The following ZNF131 variants were observed in gnomAD, a reference collection of about 807,000 sequenced individuals.
ZNF131 encodes zinc finger protein 131.
ZNF131 carries 7 observed loss-of-function variants against 60.0 expected under a neutral mutation model. That is an observed-to-expected ratio of 0.12 (90% confidence interval 0.07 to 0.22). ZNF131 has a LOEUF of 0.22. Ranked by LOEUF, ZNF131 falls within the 10% of genes least tolerant of loss-of-function variation. The probability of loss-of-function intolerance (pLI) is 1.00; values close to 1 mark genes in which losing one functional copy is unlikely to be tolerated. For missense variants in ZNF131, 493 were observed against 740.9 expected (o/e 0.67, Z 3.88); for synonymous variants, 257 against 253.2 (o/e 1.01, Z -0.14).
At chr5:43,169,391 G>A (rs577566065) in intron 5 of ZNF131, among the ~76,000 whole-genome samples, 11 of 152,234 alleles carry the variant, frequency 7.2e-5, no homozygotes, top group Admixed American at 1.3e-4. Flanking sequence ...ATTGAGTCTC[G>A]TTTCTACTCA....
Position 43,142,589 on chromosome 5 carries a change from C to A in ZNF131, c.371+3280C>A, listed in dbSNP as rs1042630404. ...AAAGTGCTGGGATTATAGGCGTGAG[C>A]CATGGCACCCGGCCAAAAATTGGAT... On this transcript the variant is annotated intron_variant, in intron 4 of 6. Coordinates refer to ENST00000682664, the MANE Select transcript of ZNF131 (RefSeq NM_001330707.2). Among the ~76,000 whole-genome samples the A allele has an allele frequency of 4.6e-5, 7 of 152,072 alleles. No individual in the cohort carries two copies. In the East Asian group the frequency reaches 1.4e-3, roughly 30 times the overall value.
intron 4 of ZNF131, among the ~76,000 whole-genome samples, chr5:43,140,135 A>G (rs1165825081): frequency 6.6e-6 from 1 of 152,130 alleles, no homozygotes; most frequent in African/African-American, 2.4e-5. Flanking sequence ...GGGGAGGATC[A>G]CCTGAGCCTG....
chr5:43,129,992 G>A (rs987445480), intron 3 of ZNF131, among the ~76,000 whole-genome samples: 37 of 151,484 alleles, frequency 2.4e-4, no homozygotes, highest in African/African-American at 7.5e-4. Flanking sequence ...GAGGCCAGGC[G>A]CGGTGGCTCA....
chr5:43,174,277 A>G lies in ZNF131; in HGVS notation c.1186-170A>G, dbSNP rs564072837. 3.9e-5 allele frequency among the ~76,000 whole-genome samples: 6 copies of G among 152,390 alleles called. No homozygotes were observed. The South Asian group carries it at 8.3e-4, about 21-fold the overall frequency. On this transcript the variant is annotated intron_variant, in intron 6 of 6. Transcript: ENST00000682664. Reference sequence around the variant, plus strand: ...ACTAGCTGTGTCAGCTAGAAGTCCAAATGAACCAAAGAATTATGAAATAGC... The same window carrying G: ...ACTAGCTGTGTCAGCTAGAAGTCCAGATGAACCAAAGAATTATGAAATAGC...
At chr5:43,169,296 A>G (rs1196331437) in intron 5 of ZNF131, among the ~76,000 whole-genome samples, 1 of 152,224 alleles carries the variant, frequency 6.6e-6, no homozygotes, top group Admixed American at 6.5e-5. Flanking sequence ...CACATCTAAA[A>G]TAATTAATAT....
At position 43,174,912 on chromosome 5, in the gene ZNF131, A is replaced by G. The variant is rs1751408700; in HGVS notation, c.1651A>G (p.Met551Val). The change falls in exon 7 of 7, where the codon ATG (methionine) becomes GTG (valine). Residue 551 changes from methionine to valine, a missense_variant. Physicochemically the swap from Met to Val is conservative, Grantham distance 21 (BLOSUM62 1). This residue lies in a region of ZNF131 where 202 missense variants were observed against 221.3 expected (regional missense o/e 0.91). Coordinates refer to ENST00000682664, the MANE Select transcript of ZNF131 (RefSeq NM_001330707.2). ...EELHVERVNQ[M>V]PVEVQTELLE... ...GCTGCATGTTGAACGGGTCAATCAA[A>G]TGCCAGTGGAAGTACAAACTGAACT... 6.2e-7 allele frequency: 1 copy of G among 1,614,166 alleles called. No individual in the cohort carries two copies. Among genetic ancestry groups the G allele is most frequent in the African/African-American group, 1.3e-5 (1 of 75,032 alleles).
At chr5:43,130,339 G>T (rs926908992) in intron 3 of ZNF131, among the ~76,000 whole-genome samples, 1 of 148,738 alleles carries the variant, frequency 6.7e-6, no homozygotes, top group African/African-American at 2.5e-5. Context: ...AAAAGTTCTG[G>T]CATTGATTCA....
chr5:43,131,863 T>TA (rs1745403368), intron 3 of ZNF131, among the ~76,000 whole-genome samples: 1 of 151,860 alleles, frequency 6.6e-6, no homozygotes, highest in South Asian at 2.1e-4. Context: ...TGTGAACCTA[T>TA]AGTGAATGAG....
rs199701415 is a variant in ZNF131 at position 43,154,777 on chromosome 5, TATCTTGC to T, written c.372-6470_372-6464del. Reference sequence around the variant, plus strand: ...TTGGTCTCATTAGAGAATAGTCCCTTATCTTGCACATCTGAATGAGTGACCCAGATAA... The same window carrying T: ...TTGGTCTCATTAGAGAATAGTCCCTTACATCTGAATGAGTGACCCAGATAA... On this transcript the variant is annotated intron_variant, in intron 4 of 6. Transcript: ENST00000682664. Among the ~76,000 whole-genome samples the T allele has an allele frequency of 1.4e-4, 22 of 152,324 alleles. No individual in the cohort carries two copies. In the East Asian group the frequency reaches 4.2e-3, roughly 29 times the overall value.
At chr5:43,151,561 A>G (rs1285345141) in intron 4 of ZNF131, among the ~76,000 whole-genome samples, 1 of 151,984 alleles carries the variant, frequency 6.6e-6, no homozygotes, top group African/African-American at 2.4e-5. Context: ...CAGCCTCCCT[A>G]GTAGCTGGGA....
chr5:43,129,507 A>G lies in ZNF131; in HGVS notation c.226+6197A>G, dbSNP rs569473845. Among the ~76,000 whole-genome samples, 133 of 152,332 alleles carry G rather than the reference A, an allele frequency of 8.7e-4. 1 individual carries two copies. Among genetic ancestry groups the G allele is most frequent in the African/African-American group, 3.1e-3 (128 of 41,558 alleles). The stretch of plus-strand genomic sequence containing the variant: ...ACATTCCAGATTTTAGAATTTTTCT[A>G]AGGGTAATGAAAAACATAATACTCA... On this transcript the variant is annotated intron_variant, in intron 3 of 6. Transcript: ENST00000682664.
At chr5:43,149,609 G>C (rs1748050212) in intron 4 of ZNF131, among the ~76,000 whole-genome samples, 1 of 152,264 alleles carries the variant, frequency 6.6e-6, no homozygotes, top group Non-Finnish European at 1.5e-5. Context: ...CTAAGATACT[G>C]TCAGTCTCTT....
In ZNF131 at chr5:43,176,068, T is replaced by A. The variant is rs953185820; in HGVS notation, c.*935T>A. 6.6e-6 allele frequency: 1 copy of A among 152,198 alleles called. No individual in the cohort carries two copies. The highest frequency in any genetic ancestry group is 1.5e-5 in the Non-Finnish European group (1 of 68,042). 9.4% of individuals were successfully genotyped at this position (152,198 alleles called of 1,614,324 possible). On this transcript the variant is annotated 3_prime_UTR_variant, in exon 7 of 7. Coordinates refer to ENST00000682664, the MANE Select transcript of ZNF131 (RefSeq NM_001330707.2). ...TTAAAATAAAGTACAGAGAAAGACA[T>A]GTATATAATTATCAGGCTTTGTTTT...
chr5:43,175,274 G>A lies in ZNF131; in HGVS notation c.*141G>A. 2.4e-6 allele frequency: 2 copies of A among 824,872 alleles called. No homozygotes were observed. The highest frequency in any genetic ancestry group is 3.8e-6 in the Non-Finnish European group (2 of 532,218). 51.1% of individuals were successfully genotyped at this position (824,872 alleles called of 1,614,324 possible). On this transcript the variant is annotated 3_prime_UTR_variant, in exon 7 of 7. Coordinates refer to ENST00000682664, the MANE Select transcript of ZNF131 (RefSeq NM_001330707.2). ...CTGTTGTGCTGAACTGTTGTCCGTT[G>A]AAACACATTGATTCCCCTCCCCCTA...
chr5:43,158,359 G>T (rs765956373), intron 4 of ZNF131, among the ~76,000 whole-genome samples: 1 of 151,980 alleles, frequency 6.6e-6, no homozygotes, highest in Admixed American at 6.6e-5. Context: ...GCACGATCTC[G>T]GTTCACCACA....
intron 3 of ZNF131, among the ~76,000 whole-genome samples, chr5:43,132,586 C>G (rs1027449563): frequency 3.4e-5 from 5 of 147,164 alleles, no homozygotes; most frequent in Non-Finnish European, 7.4e-5. Context: ...TCTCAGCTCA[C>G]TCTAACTTCC....
intron 5 of ZNF131, chr5:43,167,807 A>G: frequency 3.1e-6 from 1 of 326,512 alleles, no homozygotes; most frequent in Non-Finnish European, 6.1e-6. Context: ...TCCTGTGGGA[A>G]TGCCTGCCTG....
rs571143366 is a variant in ZNF131 at position 43,135,930 on chromosome 5, C to T, written c.227-3235C>T. ...CAGGAGTTCAAGACCAGCTGGCCAA[C>T]GTAGTGAAACCCTGTCTCTACTAAA... On this transcript the variant is annotated intron_variant, in intron 3 of 6. Coordinates refer to ENST00000682664, the MANE Select transcript of ZNF131 (RefSeq NM_001330707.2). 6.6e-5 allele frequency among the ~76,000 whole-genome samples: 10 copies of T among 152,074 alleles called. No homozygotes were observed. In the East Asian group the frequency reaches 7.7e-4, roughly 12 times the overall value.
At chr5:43,127,671 T>G (rs1413376370) in intron 3 of ZNF131, among the ~76,000 whole-genome samples, 3 of 152,248 alleles carry the variant, frequency 2.0e-5, no homozygotes, top group Non-Finnish European at 4.4e-5. Context: ...TGTTCCTGGT[T>G]AAAGTAAGTT....
Sources: allele counts gnomAD v4.1 joint callset (sites outside exome capture counted in the v4.1 genomes callset), GRCh38; gene constraint gnomAD v4.1.1; regional missense constraint gnomAD v4.1.1; transcripts MANE v1.5; gene names NCBI Gene and HGNC (gene_info 2026-07-23, HGNC 2026-07-21).